Variants in KNTC1 observed in about 807,000 individuals in gnomAD.
The protein encoded by KNTC1 is kinetochore associated 1, also known as kinetochore-associated protein 1.
KNTC1 carries 253 observed loss-of-function variants against 314.4 expected under a neutral mutation model. The ratio of observed to expected loss-of-function variants is 0.80; its 90% CI spans 0.73 to 0.89. KNTC1 has a LOEUF of 0.89. Among genes scored for constraint, KNTC1 ranks in the 40% least tolerant of loss-of-function variants. The pLI is 0.00. For missense variants in KNTC1, 2,475 were observed against 2,572.9 expected (o/e 0.96, Z 0.82); for synonymous variants, 901 against 901.4 (o/e 1.00, Z 0.01).
rs1174780863 is a variant in KNTC1 at position 122,572,820 on chromosome 12, T to C, written c.2020-117T>C. 1.5e-5 allele frequency: 12 copies of C among 790,674 alleles called. No homozygotes were observed. The East Asian group carries it at 3.3e-4, about 22-fold the overall frequency. 49.0% of individuals were successfully genotyped at this position (790,674 alleles called of 1,614,324 possible). ...GCATAAGTTGGTTTAAAGTTGCAGGTTTCCTCTTACGTGCATAACCAGGGT... is the reference window on the plus strand; with the variant it reads ...GCATAAGTTGGTTTAAAGTTGCAGGCTTCCTCTTACGTGCATAACCAGGGT... On this transcript the variant is annotated intron_variant, in intron 24 of 63. Transcript: ENST00000333479.
rs931767112 is a variant in KNTC1, at chr12:122,562,555, T to G, written c.1543-83T>G. 8.0e-6 allele frequency: 7 copies of G among 878,336 alleles called. No individual in the cohort carries two copies. In the African/African-American group the frequency reaches 1.2e-4, roughly 15 times the overall value. The allele number at this position is 878,336 out of a possible 1,614,324, so 54.4% of individuals were successfully genotyped here. ...ATAAATGTGAATGTGTATAGACATG[T>G]GAAATGTAATGATTCATTTTTAATG... On this transcript the variant is annotated intron_variant, in intron 19 of 63. Transcript: ENST00000333479.
chr12:122,625,905 A>G (rs1248976013), intron 63 of KNTC1, among the ~76,000 whole-genome samples: 1 of 152,158 alleles, frequency 6.6e-6, no homozygotes, highest in Admixed American at 6.5e-5. Flanking sequence ...CCTTTGGTCC[A>G]GATCAGGCAT....
intron 18 of KNTC1, among the ~76,000 whole-genome samples, chr12:122,557,968 A>G (rs1372893330): frequency 6.6e-6 from 1 of 152,212 alleles, no homozygotes; most frequent in East Asian, 1.9e-4. Context: ...CCTCTATCCC[A>G]GACCGGACGT....
chr12:122,603,624 C>G (rs1872237893), intron 48 of KNTC1, among the ~76,000 whole-genome samples: 1 of 152,080 alleles, frequency 6.6e-6, no homozygotes, highest in Admixed American at 6.6e-5. Context: ...CCCCGAGTAG[C>G]TGGGACTACA....
chr12:122,580,548 T>A (rs545256850), intron 32 of KNTC1, 55 bp from the exon 33 acceptor site: 2 of 1,100,334 alleles, frequency 1.8e-6, no homozygotes, highest in East Asian at 5.2e-5. Context: ...TTTTTAAAAT[T>A]CTGATAATAT....
intron 44 of KNTC1, among the ~76,000 whole-genome samples, chr12:122,598,421 C>CTTTTTTTTTTTTTTTTTTTTTTT (rs11395342): frequency 3.2e-5 from 4 of 124,258 alleles, no homozygotes; most frequent in Non-Finnish European, 4.9e-5. Context: ...TTTTTCTTTT[C>CTTTTTTTTTTTTTTTTTTTTTTT]TTTTTTTTTT....
At chr12:122,622,145 C>G (rs1441031304) in intron 61 of KNTC1, among the ~76,000 whole-genome samples, 175 bp downstream of exon 61, 1 of 152,172 alleles carries the variant, frequency 6.6e-6, no homozygotes, top group South Asian at 2.1e-4. Context: ...GGACCCTGAG[C>G]GTCTTGTTGA....
chr12:122,551,758 G>A, intron 16 of KNTC1, 62 bp downstream of exon 16: 5 of 1,159,240 alleles, frequency 4.3e-6, no homozygotes, highest in South Asian at 3.7e-5. Context: ...TAGAGGCTGA[G>A]AGGACAGACA....
At chr12:122,572,251 C>A (rs1964732857) in intron 24 of KNTC1, among the ~76,000 whole-genome samples, 1 of 151,922 alleles carries the variant, frequency 6.6e-6, no homozygotes, top group South Asian at 2.1e-4. Flanking sequence ...AAAAATTAGC[C>A]AGGCATGGTG....
At chr12:122,606,465 G>A (rs192192759) in intron 51 of KNTC1, among the ~76,000 whole-genome samples, 13 of 152,020 alleles carry the variant, frequency 8.6e-5, no homozygotes, top group Middle Eastern at 3.4e-3. Flanking sequence ...TGATCCGCCC[G>A]CCTTGGCCTC....
At position 122,584,555 on chromosome 12, in the gene KNTC1, G is replaced by A. The variant is rs540162142; in HGVS notation, c.3436+105G>A. The A allele has an allele frequency of 1.2e-5, 9 of 763,240 alleles. No homozygotes were observed. The African/African-American group carries it at 1.4e-4, about 12-fold the overall frequency. The allele number at this position is 763,240 out of a possible 1,614,324, so 47.3% of individuals were successfully genotyped here. On this transcript the variant is annotated intron_variant, in intron 35 of 63. Coordinates refer to ENST00000333479, the MANE Select transcript of KNTC1 (RefSeq NM_014708.6). ...ATTGGACATCACGGTAATCAGACTAGAGATAGTATCTGCATTTCACAAAGG... is the reference window on the plus strand; with the variant it reads ...ATTGGACATCACGGTAATCAGACTAAAGATAGTATCTGCATTTCACAAAGG...
At chr12:122,585,179 T>C (rs1423272872) in intron 36 of KNTC1, among the ~76,000 whole-genome samples, 189 bp downstream of exon 36, 1 of 152,000 alleles carries the variant, frequency 6.6e-6, no homozygotes, top group Non-Finnish European at 1.5e-5. Context: ...GGACTATAAG[T>C]GTGTGCCACC....
chr12:122,556,502 T>TTG (rs1429485107), intron 16 of KNTC1, among the ~76,000 whole-genome samples: 3 of 150,450 alleles, frequency 2.0e-5, no homozygotes, highest in African/African-American at 7.4e-5. Context: ...TTTTTTTTTT[T>TTG]TGAGATGGAG....
intron 62 of KNTC1, among the ~76,000 whole-genome samples, chr12:122,623,207 T>G (rs1874627507): frequency 6.6e-6 from 1 of 152,226 alleles, no homozygotes; most frequent in Non-Finnish European, 1.5e-5. Flanking sequence ...CTCAGAACAT[T>G]AATGACTTTA....
chr12:122,619,284 T>A (rs1874138159), intron 59 of KNTC1, among the ~76,000 whole-genome samples: 1 of 151,118 alleles, frequency 6.6e-6, no homozygotes, highest in African/African-American at 2.4e-5. Flanking sequence ...GCATGAGCCA[T>A]CCCGTGAGTA....
At chr12:122,559,790 G>A (rs1301644720) in intron 18 of KNTC1, among the ~76,000 whole-genome samples, 1 of 152,152 alleles carries the variant, frequency 6.6e-6, no homozygotes, top group Non-Finnish European at 1.5e-5. Flanking sequence ...GGTCAGGCTG[G>A]TCTTGAACTC....
In KNTC1 at chr12:122,563,903, G is replaced by C. The variant is rs148410229; in HGVS notation, c.1604+1204G>C. 283 of 1,070,254 alleles carry C rather than the reference G, an allele frequency of 2.6e-4. 1 individual carries two copies. In the African/African-American group the frequency reaches 4.1e-3, roughly 15 times the overall value. 66.3% of individuals were successfully genotyped at this position (1,070,254 alleles called of 1,614,324 possible). ...GAAAAAACAGCTGGTATTTGCAAAG[G>C]GCAGTGTGGCCTTACCTCTTTCTTT... On this transcript the variant is annotated intron_variant, in intron 20 of 63. Transcript: ENST00000333479.
intron 30 of KNTC1, 138 bp downstream of exon 30, chr12:122,577,167 C>A: frequency 1.7e-6 from 1 of 581,476 alleles, no homozygotes; most frequent in Non-Finnish European, 2.7e-6. Context: ...TCACGCTGGT[C>A]TCAAACTCTC....
At position 122,585,738 on chromosome 12, in the gene KNTC1, A is replaced by C. The variant is rs1199103736; in HGVS notation, c.3637A>C (p.Ile1213Leu). ...TGAGTCACAGATGGTGCTTCCAGTGATTTATGAACTGATTTCATCTCTTGT... is the reference window on the plus strand; with the variant it reads ...TGAGTCACAGATGGTGCTTCCAGTGCTTTATGAACTGATTTCATCTCTTGT... ...VLESQMVLPV[I>L]YELISSLVPL... is the part of the protein sequence containing the mutation. Residue 1213 changes from isoleucine to leucine, a missense_variant, in exon 37 of 64, where the codon ATT becomes CTT. Physicochemically the swap from Ile to Leu is conservative, Grantham distance 5. Transcript: ENST00000333479. The C allele has an allele frequency of 6.2e-7, 1 of 1,613,710 alleles. No individual in the cohort carries two copies. The highest frequency in any genetic ancestry group is 8.5e-7 in the Non-Finnish European group (1 of 1,179,708).
Sources: allele counts gnomAD v4.1 joint callset (sites outside exome capture counted in the v4.1 genomes callset), GRCh38; gene constraint gnomAD v4.1.1; transcripts MANE v1.5; gene names NCBI Gene and HGNC (gene_info 2026-07-23, HGNC 2026-07-21).